The following GAS2 variants were observed in gnomAD, a reference collection of about 807,000 sequenced individuals.
GAS2 encodes growth arrest-specific protein 2.
Under a neutral mutation model 37.5 loss-of-function variants are expected in GAS2, and 20 were observed. The observed-to-expected ratio is 0.53, with a 90% CI of 0.37 to 0.77. GAS2 has a LOEUF of 0.77. Ranked by LOEUF, GAS2 falls within the 30% of genes least tolerant of loss-of-function variation. The probability of loss-of-function intolerance (pLI) is 0.00; values close to 1 mark genes in which losing one functional copy is unlikely to be tolerated. For missense variants in GAS2, 336 were observed against 373.4 expected, an observed-to-expected ratio of 0.90 and a Z score of 0.82; for synonymous variants, 144 against 132.2, an observed-to-expected ratio of 1.09 and a Z score of -0.61.
chr11:22,752,124 T>G (rs1226801656), intron 6 of GAS2, among the ~76,000 whole-genome samples: 2 of 152,054 alleles, frequency 1.3e-5, no homozygotes, highest in African/African-American at 4.8e-5. Flanking sequence ...ACACCACGGT[T>G]AAATTAGTTT....
intron 7 of GAS2, among the ~76,000 whole-genome samples, chr11:22,784,016 T>C (rs1029385664): frequency 6.6e-6 from 1 of 152,220 alleles, no homozygotes; most frequent in African/African-American, 2.4e-5. Context: ...TCTGTTTCTG[T>C]ACCAGGACCA....
At chr11:22,778,807 T>G (rs1855397472) in intron 7 of GAS2, among the ~76,000 whole-genome samples, 1 of 151,870 alleles carries the variant, frequency 6.6e-6, no homozygotes, top group Admixed American at 6.6e-5. Context: ...ATGTTGAAAC[T>G]GTGTATGTGT....
At chr11:22,743,288 C>A (rs548111058) in intron 5 of GAS2, among the ~76,000 whole-genome samples, 1 of 152,086 alleles carries the variant, frequency 6.6e-6, no homozygotes, top group Non-Finnish European at 1.5e-5. Flanking sequence ...AACATGATGT[C>A]ATTCAGTGGT....
chr11:22,633,330 T>G (rs1858770579), intron 1 of GAS2, among the ~76,000 whole-genome samples: 1 of 152,188 alleles, frequency 6.6e-6, no homozygotes, highest in Non-Finnish European at 1.5e-5. Context: ...GAAGAATCTG[T>G]GTGAAACATC....
rs138299046 is a variant in GAS2, at chr11:22,760,747, G to A, written c.723+4794G>A. Among the ~76,000 whole-genome samples, 5 of 152,238 alleles carry A rather than the reference G, an allele frequency of 3.3e-5. No individual in the cohort carries two copies. The East Asian group carries it at 9.6e-4, about 29-fold the overall frequency. ...ATAGAAAATAGTTTTTATTTGTCAA[G>A]GACACAGAATTATGAGTGTGTGATT... On this transcript the variant is annotated intron_variant, in intron 7 of 7. Transcript: ENST00000454584.
At chr11:22,672,522 T>C (rs1849245355) in intron 1 of GAS2, 1 of 152,184 alleles carries the variant, frequency 6.6e-6, no homozygotes, top group Admixed American at 6.5e-5. Context: ...GGTGTCTTCT[T>C]GCTTTTATAG....
chr11:22,653,039 T>TTCTTTCTTTCTTTC (rs1590575356), intron 1 of GAS2, among the ~76,000 whole-genome samples: 10 of 139,954 alleles, frequency 7.1e-5, no homozygotes, highest in South Asian at 2.3e-4. Context: ...TTCTTTCTCT[T>TTCTTTCTTTCTTTC]TCTTTCTTTC....
intron 1 of GAS2, chr11:22,626,524 GCAT>G (rs1858656449): frequency 6.5e-6 from 1 of 152,972 alleles, no homozygotes; most frequent in African/African-American, 2.4e-5. Flanking sequence ...GCATTTAAGA[GCAT>G]CGAACAATAA....
At chr11:22,634,434 A>C (rs917862195) in intron 1 of GAS2, among the ~76,000 whole-genome samples, 6 of 152,172 alleles carry the variant, frequency 3.9e-5, no homozygotes, top group Non-Finnish European at 7.3e-5. Context: ...GCTAGCTGAC[A>C]GTTGGAGTAG....
chr11:22,791,649 G>A (rs1856169618), intron 7 of GAS2, among the ~76,000 whole-genome samples: 1 of 152,156 alleles, frequency 6.6e-6, no homozygotes. Flanking sequence ...AAAGAGATAT[G>A]GGTGAACTTA....
chr11:22,688,600 T>C (rs1472012751), intron 3 of GAS2, among the ~76,000 whole-genome samples: 1 of 152,204 alleles, frequency 6.6e-6, no homozygotes, highest in Non-Finnish European at 1.5e-5. Context: ...TTCAATATTA[T>C]AATTTTTATA....
intron 7 of GAS2, among the ~76,000 whole-genome samples, chr11:22,778,932 G>A (rs1162897641): frequency 6.6e-6 from 1 of 152,068 alleles, no homozygotes; most frequent in African/African-American, 2.4e-5. Flanking sequence ...AGAAGGAATG[G>A]AAACAGAGGG....
At chr11:22,735,928 CCTCCT>C (rs1039425033) in intron 4 of GAS2, among the ~76,000 whole-genome samples, 3 of 150,894 alleles carry the variant, frequency 2.0e-5, no homozygotes, top group African/African-American at 7.3e-5. Context: ...CTTTAAAAGT[CCTCCT>C]CTCCTCAGTT....
At chr11:22,751,642 G>A (rs1853735928) in intron 6 of GAS2, among the ~76,000 whole-genome samples, 1 of 151,922 alleles carries the variant, frequency 6.6e-6, no homozygotes, top group Non-Finnish European at 1.5e-5. Flanking sequence ...TTAGAGGGTG[G>A]AGATGCTGCC....
At chr11:22,725,181 G>T (rs545315658) in intron 3 of GAS2, among the ~76,000 whole-genome samples, 4 of 152,004 alleles carry the variant, frequency 2.6e-5, no homozygotes, top group Non-Finnish European at 4.4e-5. Context: ...AAAGAAAAAA[G>T]ATAACACTTG....
chr11:22,684,687 C>A (rs1017751829), intron 2 of GAS2, among the ~76,000 whole-genome samples: 1 of 152,172 alleles, frequency 6.6e-6, no homozygotes, highest in African/African-American at 2.4e-5. Context: ...ACCTCAGCCT[C>A]CCGAGTAGCT....
intron 2 of GAS2, among the ~76,000 whole-genome samples, chr11:22,683,440 A>G (rs1007615385): frequency 1.3e-5 from 2 of 151,924 alleles, no homozygotes; most frequent in Non-Finnish European, 2.9e-5. Context: ...TAATTTTTGT[A>G]TTTTTAGTAG....
chr11:22,787,578 AAAAAAGAAAAAAG>A (rs1855879382), intron 7 of GAS2, among the ~76,000 whole-genome samples: 1 of 152,150 alleles, frequency 6.6e-6, no homozygotes, highest in Non-Finnish European at 1.5e-5. Context: ...TATTCCGAAA[AAAAAAGAAAAAAG>A]AAAAAGAAAA....
At chr11:22,689,219 A>G (rs1850113365) in intron 3 of GAS2, among the ~76,000 whole-genome samples, 1 of 152,050 alleles carries the variant, frequency 6.6e-6, no homozygotes, top group African/African-American at 2.4e-5. Context: ...TATATACCCA[A>G]CCTCAACAAG....
Sources: allele counts gnomAD v4.1 joint callset (sites outside exome capture counted in the v4.1 genomes callset), GRCh38; gene constraint gnomAD v4.1.1; transcripts MANE v1.5; gene names NCBI Gene and HGNC (gene_info 2026-07-23, HGNC 2026-07-21).